The following KCNMB2 variants were observed in gnomAD, a reference collection of about 807,000 sequenced individuals.
The protein encoded by KCNMB2 is calcium-activated potassium channel subunit beta-2.
KCNMB2 carries 9 observed loss-of-function variants against 24.5 expected under a neutral mutation model. The ratio of observed to expected loss-of-function variants is 0.37; its 90% confidence interval spans 0.22 to 0.64. KCNMB2 has a LOEUF of 0.64. KCNMB2 is among the 30% of genes least tolerant of loss of function. The probability of loss-of-function intolerance (pLI) is 0.63; values close to 1 mark genes in which losing one functional copy is unlikely to be tolerated. For synonymous variants in KCNMB2, 109 were observed against 104.4 expected, an observed-to-expected ratio of 1.04 and a Z score of -0.27; for missense variants, 226 against 284.3, an observed-to-expected ratio of 0.79 and a Z score of 1.47.
chr3:178,731,166 T>A (rs575799123), intron 1 of KCNMB2, among the ~76,000 whole-genome samples: 9 of 152,266 alleles, frequency 5.9e-5, no homozygotes, highest in African/African-American at 1.9e-4. Flanking sequence ...CCTATATGAA[T>A]AGCCTCCTAC....
In KCNMB2 at chr3:178,804,119, C is replaced by T. The variant is rs117126489; in HGVS notation, c.-67-3224C>T. Among the ~76,000 whole-genome samples, 117 of 152,292 alleles carry T rather than the reference C, an allele frequency of 7.7e-4. 3 individuals are homozygous for T. In the East Asian group the frequency reaches 0.02, roughly 27 times the overall value. On this transcript the variant is annotated intron_variant, in intron 1 of 4. Coordinates refer to ENST00000452583, the MANE Select transcript of KCNMB2 (RefSeq NM_181361.3). ...CTATACAACGCAGATCTCTGTTTTACGTGAGGATTCCAAATTACAAAATTG... is the reference window on the plus strand; with the variant it reads ...CTATACAACGCAGATCTCTGTTTTATGTGAGGATTCCAAATTACAAAATTG...
intron 1 of KCNMB2, among the ~76,000 whole-genome samples, chr3:178,687,737 C>T (rs190274741): frequency 4.1e-4 from 62 of 152,218 alleles, no homozygotes; most frequent in Non-Finnish European, 6.5e-4. Flanking sequence ...CTAATTTTGA[C>T]ACTTTTAGTA....
At chr3:178,645,071 G>A (rs1278587473) in intron 1 of KCNMB2, among the ~76,000 whole-genome samples, 2 of 93,094 alleles carry the variant, frequency 2.1e-5, no homozygotes, top group Non-Finnish European at 4.0e-5. Context: ...TTTTTTTTGA[G>A]ATGAGTTTTG....
intron 1 of KCNMB2, among the ~76,000 whole-genome samples, chr3:178,700,757 G>T (rs1332037055): frequency 1.4e-5 from 2 of 144,850 alleles, no homozygotes; most frequent in African/African-American, 5.4e-5. Context: ...ATATCTTTTT[G>T]ATGAGTAGTG....
chr3:178,583,415 G>A (rs545729298), intron 1 of KCNMB2, among the ~76,000 whole-genome samples: 22 of 152,176 alleles, frequency 1.4e-4, no homozygotes, highest in South Asian at 4.1e-4. Context: ...GCAAGTTTCC[G>A]TCTCTTTTTG....
At chr3:178,557,806 T>C (rs1471162942) in intron 1 of KCNMB2, among the ~76,000 whole-genome samples, 3 of 152,180 alleles carry the variant, frequency 2.0e-5, no homozygotes. Context: ...ATCTTGGAGA[T>C]TATCTCACCC....
chr3:178,545,861 C>A (rs1167799823), intron 1 of KCNMB2, among the ~76,000 whole-genome samples: 1 of 152,060 alleles, frequency 6.6e-6, no homozygotes, highest in Non-Finnish European at 1.5e-5. Context: ...ATTTTAGAGG[C>A]CACATTTTCA....
chr3:178,655,095 C>CTCTCTCTCTCT, intron 1 of KCNMB2, among the ~76,000 whole-genome samples: 1 of 111,138 alleles, frequency 9.0e-6, no homozygotes, highest in Non-Finnish European at 1.8e-5. Context: ...ATTAGCTCTC[C>CTCTCTCTCTCT]CTCTCTCTCT....
At chr3:178,585,068 G>A (rs1462665004) in intron 1 of KCNMB2, among the ~76,000 whole-genome samples, 1 of 152,192 alleles carries the variant, frequency 6.6e-6, no homozygotes, top group East Asian at 1.9e-4. Flanking sequence ...CTACAGAAAA[G>A]TCATCTGATT....
intron 1 of KCNMB2, among the ~76,000 whole-genome samples, chr3:178,787,727 A>G (rs1262085493): frequency 6.6e-6 from 1 of 152,194 alleles, no homozygotes; most frequent in East Asian, 1.9e-4. Context: ...GAATGTTGCC[A>G]TCGCTTAACC....
intron 1 of KCNMB2, among the ~76,000 whole-genome samples, chr3:178,718,905 A>G (rs1722706778): frequency 6.6e-6 from 1 of 152,194 alleles, no homozygotes; most frequent in African/African-American, 2.4e-5. Context: ...GCCCAAGTCT[A>G]ATGAGATCTA....
At chr3:178,767,986 A>G (rs1363773730) in intron 1 of KCNMB2, among the ~76,000 whole-genome samples, 1 of 150,598 alleles carries the variant, frequency 6.6e-6, no homozygotes, top group Non-Finnish European at 1.5e-5. Flanking sequence ...CAGTGTTCGC[A>G]TTTGGCTGAT....
intron 1 of KCNMB2, among the ~76,000 whole-genome samples, chr3:178,792,269 TG>T (rs1224603894): frequency 3.3e-5 from 5 of 152,204 alleles, no homozygotes; most frequent in Admixed American, 2.6e-4. Flanking sequence ...ATGTCAAATT[TG>T]TATTAGTTTT....
At chr3:178,836,046 C>T (rs573558392) in intron 4 of KCNMB2, among the ~76,000 whole-genome samples, 8 of 152,198 alleles carry the variant, frequency 5.3e-5, no homozygotes, top group African/African-American at 1.9e-4. Context: ...AAGAACACAC[C>T]TTTCCCTTGA....
rs577997774 is a variant in KCNMB2 at position 178,741,361 on chromosome 3, A to G, written c.-67-65982A>G. ...CTGTATGGCTCATAGCAGAAACCCA[A>G]TGAATATTTATTTCCTCCATTCCTC... On this transcript the variant is annotated intron_variant, in intron 1 of 4. Transcript: ENST00000452583. 2.0e-5 allele frequency among the ~76,000 whole-genome samples: 3 copies of G among 152,332 alleles called. No individual in the cohort carries two copies. The South Asian group carries it at 6.2e-4, about 32-fold the overall frequency.
chr3:178,717,776 G>T (rs370867619), intron 1 of KCNMB2, among the ~76,000 whole-genome samples: 1 of 151,922 alleles, frequency 6.6e-6, no homozygotes, highest in African/African-American at 2.4e-5. Context: ...GTGATACAAA[G>T]ATGAATAAGA....
chr3:178,778,476 A>G (rs1028153743), intron 1 of KCNMB2, among the ~76,000 whole-genome samples: 6 of 67,366 alleles, frequency 8.9e-5, no homozygotes, highest in South Asian at 4.4e-4. Flanking sequence ...ACACACACAC[A>G]CACACACACA....
At chr3:178,718,843 T>C (rs138677840) in intron 1 of KCNMB2, among the ~76,000 whole-genome samples, 2 of 152,234 alleles carry the variant, frequency 1.3e-5, no homozygotes, top group East Asian at 3.9e-4. Flanking sequence ...CATACCAACA[T>C]CAGAGACACA....
At position 178,842,993 on chromosome 3, in the gene KCNMB2, T is replaced by C; in HGVS notation, c.*56T>C. On this transcript the variant is annotated 3_prime_UTR_variant, in exon 5 of 5. Coordinates refer to ENST00000452583, the MANE Select transcript of KCNMB2 (RefSeq NM_181361.3). ...AAGCTCAAATACTGTTTTCTTTCATTCTTCACCAAAGAACCTTAAGTTTGT... is the reference window on the plus strand; with the variant it reads ...AAGCTCAAATACTGTTTTCTTTCATCCTTCACCAAAGAACCTTAAGTTTGT... The C allele has an allele frequency of 1.4e-6, 2 of 1,440,568 alleles. No homozygotes were observed. Among genetic ancestry groups the C allele is most frequent in the Non-Finnish European group, 1.9e-6 (2 of 1,052,566 alleles). 89.2% of individuals were successfully genotyped at this position (1,440,568 alleles called of 1,614,324 possible).
Sources: gnomAD v4.1 joint callset for allele counts (sites outside exome capture counted in the v4.1 genomes callset) on GRCh38, gnomAD v4.1.1 for gene constraint, MANE v1.5 for transcripts, NCBI Gene and HGNC (gene_info 2026-07-23, HGNC 2026-07-21) for gene names.